AMBRA1: variants seen among roughly 807,000 people sequenced by gnomAD.
The protein encoded by AMBRA1 is autophagy and beclin 1 regulator 1.
A neutral mutation model predicts 125.4 loss-of-function variants in AMBRA1; 47 were observed. That is an observed-to-expected ratio of 0.37 (90% confidence interval 0.30 to 0.48). The LOEUF (loss-of-function observed/expected upper bound fraction) is 0.48. AMBRA1 is among the 20% of genes least tolerant of loss of function. The pLI, the probability that AMBRA1 is intolerant of heterozygous loss-of-function variation, is 0.99. For missense variants in AMBRA1, 1,331 were observed against 1,693.4 expected (o/e 0.79, Z 3.76); for synonymous variants, 626 against 655.5 (o/e 0.95, Z 0.69).
intron 11 of AMBRA1, among the ~76,000 whole-genome samples, chr11:46,487,663 T>C (rs1361884090): frequency 6.6e-6 from 1 of 151,974 alleles, no homozygotes; most frequent in Non-Finnish European, 1.5e-5. Context: ...CTGATCCTGA[T>C]AAAATACATT....
intron 11 of AMBRA1, among the ~76,000 whole-genome samples, chr11:46,450,570 G>C (rs1013238104): frequency 2.0e-5 from 3 of 152,064 alleles, no homozygotes; most frequent in Admixed American, 2.0e-4. Context: ...CTCCCGAGTA[G>C]CTGGGGCTAC....
intron 14 of AMBRA1, among the ~76,000 whole-genome samples, chr11:46,420,195 C>T (rs1201745679): frequency 2.0e-5 from 3 of 152,170 alleles, no homozygotes; most frequent in African/African-American, 7.2e-5. Flanking sequence ...ACCTCCTACA[C>T]CCTTCCTGTA....
In AMBRA1 at chr11:46,397,488, C is replaced by G; in HGVS notation, c.3859G>C (p.Asp1287His). The G allele has an allele frequency of 6.6e-7, 1 of 1,521,658 alleles. No individual in the cohort carries two copies. The highest frequency in any genetic ancestry group is 8.8e-7 in the Non-Finnish European group (1 of 1,133,562). 94.3% of individuals were successfully genotyped at this position (1,521,658 alleles called of 1,614,324 possible). ...HLLDGGSSRG[D>H]AAGPRGEPRN... The stretch of plus-strand genomic sequence containing the variant: ...GGTTCTCCCCTAGGGCCTGCAGCGT[C>G]CCCCCTGCTGCTGCCACCATCCAGA... The change falls in exon 18 of 18, where the codon GAC becomes CAC. Residue 1287 changes from aspartate to histidine, a missense_variant. Coordinates refer to ENST00000683756, the MANE Select transcript of AMBRA1 (RefSeq NM_001387011.1).
chr11:46,435,918 GTGT>G (rs988797845), intron 12 of AMBRA1, among the ~76,000 whole-genome samples: 9 of 152,210 alleles, frequency 5.9e-5, no homozygotes, highest in Non-Finnish European at 1.3e-4. Flanking sequence ...GAGTCCCACC[GTGT>G]GATTCCCTGC....
intron 11 of AMBRA1, among the ~76,000 whole-genome samples, chr11:46,459,458 T>C (rs560973954): frequency 6.6e-6 from 1 of 152,220 alleles, no homozygotes; most frequent in African/African-American, 2.4e-5. Context: ...AAAAAATTTA[T>C]ATCCTAGATT....
Position 46,574,085 on chromosome 11 carries a change from T to C in AMBRA1, c.-121+19743A>G, listed in dbSNP as rs1281735698. Among the ~76,000 whole-genome samples, 3 of 135,542 alleles carry C rather than the reference T, an allele frequency of 2.2e-5. No homozygotes were observed. In the East Asian group the frequency reaches 6.2e-4, roughly 28 times the overall value. The allele number at this position is 135,542 out of a possible 152,430, so 88.9% of individuals were successfully genotyped here. Reference sequence around the variant, plus strand: ...TATCATTGTTGGACATTTGGGTTGGTTCCAAGTCTTTGCTATTGTGAATAG... The same window carrying C: ...TATCATTGTTGGACATTTGGGTTGGCTCCAAGTCTTTGCTATTGTGAATAG... On this transcript the variant is annotated intron_variant, in intron 1 of 17. Coordinates refer to ENST00000683756, the MANE Select transcript of AMBRA1 (RefSeq NM_001387011.1).
Position 46,434,901 on chromosome 11 carries a change from C to T in AMBRA1, c.2769G>A (p.Val923=), listed in dbSNP as rs1306637640. ...CCAGGTTATGGGGGGCCAGGGAGTA[C>T]ACTGCCAGGATGCCTTCATCAGGAA... ...RGFPDEGILA[V]YSLAPHNLGE... The change falls in exon 13 of 18, where the codon GTG becomes GTA. Residue 923 remains valine (V), a synonymous_variant. Coordinates refer to ENST00000683756, the MANE Select transcript of AMBRA1 (RefSeq NM_001387011.1). 1.2e-6 allele frequency: 2 copies of T among 1,614,052 alleles called. No homozygotes were observed. The highest frequency in any genetic ancestry group is 1.1e-5 in the South Asian group (1 of 91,064).
intron 7 of AMBRA1, among the ~76,000 whole-genome samples, chr11:46,538,075 T>C (rs1250460275): frequency 6.6e-6 from 1 of 151,992 alleles, no homozygotes; most frequent in African/African-American, 2.4e-5. Context: ...TCAGCCCCTT[T>C]AGAAGGCAGA....
intron 1 of AMBRA1, among the ~76,000 whole-genome samples, chr11:46,561,405 C>CA (rs2043333578): frequency 6.8e-6 from 1 of 146,362 alleles, no homozygotes; most frequent in Non-Finnish European, 1.5e-5. Flanking sequence ...AGAATATTGT[C>CA]AGAAAAAAAA....
chr11:46,545,285 C>T (rs1018358196), intron 5 of AMBRA1, among the ~76,000 whole-genome samples: 2 of 150,908 alleles, frequency 1.3e-5, no homozygotes, highest in African/African-American at 4.9e-5. Flanking sequence ...CATGGTGAAA[C>T]CCTATCTTTA....
intron 1 of AMBRA1, among the ~76,000 whole-genome samples, chr11:46,581,642 A>G (rs1355802616): frequency 6.6e-6 from 1 of 151,684 alleles, no homozygotes; most frequent in Admixed American, 6.6e-5. Flanking sequence ...TAAATACACA[A>G]ATAAATAATT....
chr11:46,489,884 C>T (rs1950402566), intron 11 of AMBRA1, among the ~76,000 whole-genome samples: 1 of 152,144 alleles, frequency 6.6e-6, no homozygotes. Context: ...ATGGCACAGA[C>T]GACAGAACAG....
chr11:46,476,141 AGAG>A (rs1327355008), intron 11 of AMBRA1, among the ~76,000 whole-genome samples: 1 of 152,180 alleles, frequency 6.6e-6, no homozygotes, highest in Non-Finnish European at 1.5e-5. Flanking sequence ...AAATAATAAC[AGAG>A]AAGAGGAAAA....
At chr11:46,428,706 C>T (rs979110627) in intron 14 of AMBRA1, 16 of 1,605,650 alleles carry the variant, frequency 1.0e-5, no homozygotes, top group Middle Eastern at 4.1e-4. Flanking sequence ...AACTGGAATT[C>T]GGTTGCTGAC....
intron 1 of AMBRA1, among the ~76,000 whole-genome samples, chr11:46,583,671 A>T (rs1171374763): frequency 4.1e-5 from 6 of 145,270 alleles, no homozygotes; most frequent in Non-Finnish European, 9.0e-5. Flanking sequence ...AAAAAAAAAA[A>T]AAAAAAAACA....
chr11:46,485,073 G>A (rs1030400501), intron 11 of AMBRA1, among the ~76,000 whole-genome samples: 44 of 152,178 alleles, frequency 2.9e-4, no homozygotes, highest in Non-Finnish European at 4.6e-4. Flanking sequence ...GAATAGCTGG[G>A]ATTACAGGCA....
chr11:46,462,359 C>G (rs1431544727), intron 11 of AMBRA1, among the ~76,000 whole-genome samples: 1 of 152,176 alleles, frequency 6.6e-6, no homozygotes, highest in Non-Finnish European at 1.5e-5. Flanking sequence ...CACTAAGCGC[C>G]GGGCCCTTGT....
At chr11:46,443,407 C>A in intron 12 of AMBRA1, 81 bp downstream of exon 12, 1 of 1,099,106 alleles carries the variant, frequency 9.1e-7, no homozygotes, top group Non-Finnish European at 1.4e-6. Context: ...ATGAAAAACC[C>A]AGTGCTCCAT....
chr11:46,429,963 T>C (rs1179534754), intron 14 of AMBRA1, among the ~76,000 whole-genome samples: 1 of 151,744 alleles, frequency 6.6e-6, no homozygotes, highest in Admixed American at 6.6e-5. Context: ...GCATATCCAG[T>C]CTGGAGGAAT....
Sources: allele counts gnomAD v4.1 joint callset (sites outside exome capture counted in the v4.1 genomes callset), GRCh38; gene constraint gnomAD v4.1.1; transcripts MANE v1.5; gene names NCBI Gene and HGNC (gene_info 2026-07-23, HGNC 2026-07-21).